Variants in APPBP2 observed in about 807,000 individuals in gnomAD.
APPBP2 encodes amyloid beta precursor protein binding protein 2.
In APPBP2, 15 loss-of-function variants were observed where a neutral mutation model predicts 76.0. The ratio of observed to expected loss-of-function variants is 0.20; its 90% CI spans 0.13 to 0.30. The LOEUF (loss-of-function observed/expected upper bound fraction) is 0.30. Ranked by LOEUF, APPBP2 falls within the 10% of genes least tolerant of loss-of-function variation. The pLI, the probability that APPBP2 is intolerant of heterozygous loss-of-function variation, is 1.00. For missense variants in APPBP2, 401 were observed against 687.2 expected, an observed-to-expected ratio of 0.58 and a Z score of 4.66; for synonymous variants, 222 against 242.2, an observed-to-expected ratio of 0.92 and a Z score of 0.77.
intron 8 of APPBP2, 95 bp downstream of exon 8, chr17:60,461,713 CAA>C: frequency 1.2e-6 from 1 of 864,148 alleles, no homozygotes; most frequent in Non-Finnish European, 1.8e-6. Flanking sequence ...GGGTAGTTGT[CAA>C]AAAGTCATTT....
chr17:60,510,713 T>A (rs2090905122), intron 1 of APPBP2, among the ~76,000 whole-genome samples: 1 of 152,156 alleles, frequency 6.6e-6, no homozygotes, highest in Non-Finnish European at 1.5e-5. Context: ...GAGATCCTGT[T>A]TCTGGGGAAA....
At position 60,443,880 on chromosome 17, in the gene APPBP2, C is replaced by T. The variant is rs1203453971; in HGVS notation, c.*3701G>A. On this transcript the variant is annotated 3_prime_UTR_variant, in exon 13 of 13. Transcript: ENST00000083182. ...CCTTCTGATTATCAACAGGGTAAAACCAGTTTTCTGCCTAAAACATTCCTG... is the reference window on the plus strand; with the variant it reads ...CCTTCTGATTATCAACAGGGTAAAATCAGTTTTCTGCCTAAAACATTCCTG... 3 of 152,528 alleles carry T rather than the reference C, an allele frequency of 2.0e-5. No individual in the cohort carries two copies. Among genetic ancestry groups the T allele is most frequent in the Admixed American group, 6.6e-5 (1 of 15,262 alleles). The allele number at this position is 152,528 out of a possible 1,614,324, so 9.4% of individuals were successfully genotyped here.
chr17:60,501,924 C>T (rs2090826518), intron 1 of APPBP2, among the ~76,000 whole-genome samples: 1 of 152,148 alleles, frequency 6.6e-6, no homozygotes, highest in Non-Finnish European at 1.5e-5. Flanking sequence ...AAATCTGTAA[C>T]TCCTGGAGGG....
chr17:60,516,878 G>GT lies in APPBP2; in HGVS notation c.138+8915dup, dbSNP rs553469714. Among the ~76,000 whole-genome samples, 14 of 152,270 alleles carry GT rather than the reference G, an allele frequency of 9.2e-5. No homozygotes were observed. The East Asian group carries it at 2.7e-3, about 29-fold the overall frequency. On this transcript the variant is annotated intron_variant, in intron 1 of 12. Coordinates refer to ENST00000083182, the MANE Select transcript of APPBP2 (RefSeq NM_006380.5). The stretch of plus-strand genomic sequence containing the variant: ...ACTGTGATGGGTGTACAGTAAAACA[G>GT]TACTTCTCTGAAGACAAAATAAGGT...
rs80153825 is a variant in APPBP2 at position 60,471,199 on chromosome 17, G to A, written c.504-4740C>T. 4.9e-3 allele frequency among the ~76,000 whole-genome samples: 744 copies of A among 152,186 alleles called. 4 individuals carry two copies. The highest frequency in any genetic ancestry group is 6.7e-3 in the Admixed American group (103 of 15,278). On this transcript the variant is annotated intron_variant, in intron 4 of 12. Coordinates refer to ENST00000083182, the MANE Select transcript of APPBP2 (RefSeq NM_006380.5). ...TGCAAATATTTTCTCCCATTCCATA[G>A]GTTGTCTTTTTATTTTCTTGATGTT...
intron 1 of APPBP2, among the ~76,000 whole-genome samples, chr17:60,519,036 G>A (rs992056597): frequency 6.6e-6 from 1 of 151,994 alleles, no homozygotes; most frequent in African/African-American, 2.4e-5. Context: ...ACAGCTCACT[G>A]AGCGGCCTCG....
chr17:60,481,892 C>CT (rs1356284383), intron 3 of APPBP2, among the ~76,000 whole-genome samples: 1 of 152,088 alleles, frequency 6.6e-6, no homozygotes, highest in Non-Finnish European at 1.5e-5. Context: ...GTTACTATTT[C>CT]TTTTTTTAGA....
At chr17:60,478,300 C>T (rs1030722113) in intron 4 of APPBP2, among the ~76,000 whole-genome samples, 2 of 151,756 alleles carry the variant, frequency 1.3e-5, no homozygotes, top group Admixed American at 6.6e-5. Context: ...ATGAAAATAG[C>T]TAAAGGTAAA....
chr17:60,476,247 T>C (rs771084815), intron 4 of APPBP2, among the ~76,000 whole-genome samples: 2 of 152,226 alleles, frequency 1.3e-5, no homozygotes, highest in Non-Finnish European at 2.9e-5. Flanking sequence ...CTGACCTTTG[T>C]TGTATAATGT....
At chr17:60,460,871 T>C in intron 8 of APPBP2, 84 bp from the exon 9 acceptor site, 2 of 1,387,614 alleles carry the variant, frequency 1.4e-6, no homozygotes, top group Non-Finnish European at 9.7e-7. Flanking sequence ...TAAATATATA[T>C]CTATATGCCT....
At chr17:60,487,322 G>A (rs1377141623) in intron 3 of APPBP2, among the ~76,000 whole-genome samples, 2 of 152,018 alleles carry the variant, frequency 1.3e-5, no homozygotes, top group Admixed American at 6.6e-5. Context: ...CGTCACTTTC[G>A]GGTACACCAA....
At chr17:60,505,433 A>T (rs891496500) in intron 1 of APPBP2, among the ~76,000 whole-genome samples, 5 of 152,202 alleles carry the variant, frequency 3.3e-5, no homozygotes, top group Non-Finnish European at 7.3e-5. Flanking sequence ...CTCCTGCCTC[A>T]GCCTCCAGAG....
At chr17:60,455,934 CA>C (rs1221692054) in intron 10 of APPBP2, among the ~76,000 whole-genome samples, 1 of 152,188 alleles carries the variant, frequency 6.6e-6, no homozygotes, top group African/African-American at 2.4e-5. Context: ...CACGCCACCA[CA>C]TCCGGCTAAT....
intron 3 of APPBP2, among the ~76,000 whole-genome samples, chr17:60,485,311 G>A (rs995459640): frequency 5.3e-5 from 8 of 152,126 alleles, no homozygotes; most frequent in Admixed American, 2.6e-4. Context: ...GGTAGAATTT[G>A]GCTGTGAATC....
At chr17:60,479,333 C>A (rs1165645126) in intron 3 of APPBP2, 62 bp from the exon 4 acceptor site, 2 of 1,502,880 alleles carry the variant, frequency 1.3e-6, no homozygotes, top group East Asian at 2.3e-5. Flanking sequence ...GATAAAATGA[C>A]ATGCTGACAG....
chr17:60,482,041 C>T (rs2090634171), intron 3 of APPBP2, among the ~76,000 whole-genome samples: 1 of 152,098 alleles, frequency 6.6e-6, no homozygotes, highest in Non-Finnish European at 1.5e-5. Flanking sequence ...TGCCACCACG[C>T]CCGGCTAATT....
chr17:60,451,944 T>C lies in APPBP2; in HGVS notation c.1440A>G (p.Leu480=). The C allele has an allele frequency of 6.2e-7, 1 of 1,613,800 alleles. No homozygotes were observed. Among genetic ancestry groups the C allele is most frequent in the Non-Finnish European group, 8.5e-7 (1 of 1,179,846 alleles). ...VALSVGHLAS[L]YNYDMNQYEN... ...CATACTGATTCATGTCATAATTATA[T>C]AAAGAAGCCAGATGTCCCACTGAAA... is the stretch of plus-strand genomic sequence containing the variant. The change falls in exon 12 of 13, where the codon TTA becomes TTG. Residue 480 remains leucine (L), a synonymous_variant. Coordinates refer to ENST00000083182, the MANE Select transcript of APPBP2 (RefSeq NM_006380.5).
intron 9 of APPBP2, among the ~76,000 whole-genome samples, chr17:60,456,892 T>C (rs2090435129): frequency 6.6e-6 from 1 of 151,998 alleles, no homozygotes; most frequent in Non-Finnish European, 1.5e-5. Context: ...TCCCAGCACT[T>C]TGGGAGGCTG....
At chr17:60,496,600 T>C (rs918427724) in intron 2 of APPBP2, among the ~76,000 whole-genome samples, 2 of 152,216 alleles carry the variant, frequency 1.3e-5, no homozygotes, top group South Asian at 2.1e-4. Context: ...GAAGTTCTTA[T>C]TTATTAGATT....
Sources: allele counts gnomAD v4.1 joint callset (sites outside exome capture counted in the v4.1 genomes callset), GRCh38; gene constraint gnomAD v4.1.1; transcripts MANE v1.5; gene names NCBI Gene and HGNC (gene_info 2026-07-23, HGNC 2026-07-21).